Variants in CSNK1G2 observed in about 807,000 individuals in gnomAD.
The protein encoded by CSNK1G2 is casein kinase 1 gamma 2, also known as casein kinase I isoform gamma-2.
CSNK1G2 carries 11 observed loss-of-function variants against 48.0 expected under a neutral mutation model. That is an observed-to-expected ratio of 0.23 (90% CI 0.14 to 0.38). CSNK1G2 has a LOEUF of 0.38. Ranked by LOEUF, CSNK1G2 falls within the 10% of genes least tolerant of loss-of-function variation. The pLI is 1.00. For missense variants in CSNK1G2, 446 were observed against 595.5 expected, an observed-to-expected ratio of 0.75 and a Z score of 2.61; for synonymous variants, 337 against 254.1, an observed-to-expected ratio of 1.33 and a Z score of -3.10.
chr19:1,956,055 G>A lies in CSNK1G2; in HGVS notation c.-265-13453G>A, dbSNP rs1318734701. On this transcript the variant is annotated intron_variant, in intron 1 of 11. Coordinates refer to ENST00000255641, the MANE Select transcript of CSNK1G2 (RefSeq NM_001319.7). ...GCTCCCGACAGCGTTGGGTCCCTGA[G>A]TGCAGGGCCTGCCCCTTTCTCATCC... 3.3e-5 allele frequency among the ~76,000 whole-genome samples: 5 copies of A among 152,346 alleles called. No homozygotes were observed. In the East Asian group the frequency reaches 7.7e-4, roughly 24 times the overall value.
chr19:1,945,556 T>G (rs1228086024), intron 1 of CSNK1G2, among the ~76,000 whole-genome samples: 1 of 152,022 alleles, frequency 6.6e-6, no homozygotes, highest in African/African-American at 2.4e-5. Flanking sequence ...GCGCGGGGGC[T>G]CCCACCTGTC....
intron 1 of CSNK1G2, among the ~76,000 whole-genome samples, chr19:1,948,627 C>T (rs1301491716): frequency 6.6e-6 from 1 of 151,894 alleles, no homozygotes; most frequent in East Asian, 1.9e-4. Flanking sequence ...GAGCATGAGC[C>T]ACTTTTTTTT....
intron 2 of CSNK1G2, chr19:1,976,123 C>T: frequency 7.8e-7 from 1 of 1,288,564 alleles, no homozygotes; most frequent in Non-Finnish European, 1.0e-6. Flanking sequence ...AGGTTTAGTT[C>T]TGGGGCCTCG....
intron 1 of CSNK1G2, among the ~76,000 whole-genome samples, chr19:1,944,370 G>T (rs1489869404): frequency 6.6e-6 from 1 of 152,130 alleles, no homozygotes; most frequent in African/African-American, 2.4e-5. Context: ...TTCTCGTGGG[G>T]CCCGTGCTGT....
chr19:1,952,971 G>C (rs1384895696), intron 1 of CSNK1G2: 1 of 440,146 alleles, frequency 2.3e-6, no homozygotes, highest in African/African-American at 2.2e-5. Flanking sequence ...CACGATGAGG[G>C]GAAAAGGCAC....
intron 1 of CSNK1G2, among the ~76,000 whole-genome samples, chr19:1,959,502 C>T (rs2015117695): frequency 6.6e-6 from 1 of 151,236 alleles, no homozygotes; most frequent in Non-Finnish European, 1.5e-5. Context: ...CGGCCCCCAG[C>T]ACCCGCCCCA....
Position 1,978,484 on chromosome 19 carries a change from C to A in CSNK1G2, c.271C>A (p.Arg91=). The change falls in exon 4 of 12, where the codon CGG becomes AGG. Residue 91 remains arginine, a synonymous_variant. Transcript: ENST00000255641. This position sits in a 1 kb window ranked among gnomAD's most constrained non-coding sequence, Gnocchi z 7.3. The part of the protein sequence containing the change: ...SRAPQLHLEY[R]FYKQLSATEG... ...GGCCCCGCAGCTGCACCTGGAGTAC[C>A]GGTTCTACAAGCAGCTCAGCGCCAC... 6.2e-7 allele frequency: 1 copy of A among 1,601,278 alleles called. No individual in the cohort carries two copies. The highest frequency in any genetic ancestry group is 1.3e-5 in the African/African-American group (1 of 74,758).
At chr19:1,956,934 G>A (rs189960846) in intron 1 of CSNK1G2, among the ~76,000 whole-genome samples, 192 of 152,332 alleles carry the variant, frequency 1.3e-3, no homozygotes, top group African/African-American at 4.5e-3. Context: ...CATCACTCAG[G>A]GTTTCTCAGC....
Position 1,978,851 on chromosome 19 carries a change from C to G in CSNK1G2, c.448-8C>G. ...GGGCCCGGCCGACACCGCCGTGCCC[C>G]CCTGCAGATCACGCGCATGGAGTAT... On this transcript the variant is annotated splice_polypyrimidine_tract_variant and splice_region_variant and intron_variant, in intron 5 of 11. Coordinates refer to ENST00000255641, the MANE Select transcript of CSNK1G2 (RefSeq NM_001319.7). The surrounding 1 kb of genome is among the most constrained non-coding windows in gnomAD (Gnocchi z 7.3). 6.3e-7 allele frequency: 1 copy of G among 1,599,586 alleles called. No homozygotes were observed. The highest frequency in any genetic ancestry group is 8.5e-7 in the Non-Finnish European group (1 of 1,176,570).
At position 1,975,125 on chromosome 19, in the gene CSNK1G2, C is replaced by T. The variant is rs187532156; in HGVS notation, c.188-3180C>T. The T allele has an allele frequency of 1.0e-3, 994 of 985,458 alleles. 2 individuals are homozygous for T. Among genetic ancestry groups the T allele is most frequent in the Middle Eastern group, 2.6e-3 (5 of 1,914 alleles). 61.0% of individuals were successfully genotyped at this position (985,458 alleles called of 1,614,324 possible). ...CTTCCACAGTGCAGAGTAGAAGAGC[C>T]GGGAAGGACCCCATCACCATCAGAT... On this transcript the variant is annotated intron_variant, in intron 2 of 11. Coordinates refer to ENST00000255641, the MANE Select transcript of CSNK1G2 (RefSeq NM_001319.7).
intron 1 of CSNK1G2, among the ~76,000 whole-genome samples, chr19:1,963,402 C>T (rs8100908): frequency 0.12 from 18,791 of 151,046 alleles, 1,419 homozygotes; most frequent in East Asian, 0.21. Flanking sequence ...TTAGTAGAGA[C>T]AGGGTTTCAC....
rs747553413 is a variant in CSNK1G2, at chr19:1,978,525, C to A, written c.298+14C>A. The A allele has an allele frequency of 6.4e-7, 1 of 1,573,590 alleles. No homozygotes were observed. The highest frequency in any genetic ancestry group is 1.2e-5 in the South Asian group (1 of 86,904). On this transcript the variant is annotated intron_variant, in intron 4 of 11. Coordinates refer to ENST00000255641, the MANE Select transcript of CSNK1G2 (RefSeq NM_001319.7). This position sits in a 1 kb window ranked among gnomAD's most constrained non-coding sequence, Gnocchi z 7.3. ...TCAGCGCCACAGGTACCGGGCGGCCCGCGGGTGGGGCGGGGGCTGCGCAGG... is the reference window on the plus strand; with the variant it reads ...TCAGCGCCACAGGTACCGGGCGGCCAGCGGGTGGGGCGGGGGCTGCGCAGG...
chr19:1,952,571 A>T lies in CSNK1G2; in HGVS notation c.-266+11153A>T, dbSNP rs2014806188. On this transcript the variant is annotated intron_variant, in intron 1 of 11. Coordinates refer to ENST00000255641, the MANE Select transcript of CSNK1G2 (RefSeq NM_001319.7). Reference sequence around the variant, plus strand: ...ACTCCTGACCTCAAGTGATCTTCCCACCTCGGCCTCCCAAAGTGTACGTAT... The same window carrying T: ...ACTCCTGACCTCAAGTGATCTTCCCTCCTCGGCCTCCCAAAGTGTACGTAT... 1.9e-5 allele frequency: 3 copies of T among 155,600 alleles called. No individual in the cohort carries two copies. In the East Asian group the frequency reaches 5.8e-4, roughly 30 times the overall value. The allele number at this position is 155,600 out of a possible 1,614,324, so 9.6% of individuals were successfully genotyped here.
At position 1,957,385 on chromosome 19, in the gene CSNK1G2, C is replaced by T. The variant is rs2145530263; in HGVS notation, c.-265-12123C>T. Among the ~76,000 whole-genome samples, 1 of 152,356 alleles carries T rather than the reference C, an allele frequency of 6.6e-6. No individual in the cohort carries two copies. The highest frequency in any genetic ancestry group is 6.5e-5 in the Admixed American group (1 of 15,308). On this transcript the variant is annotated intron_variant, in intron 1 of 11. Coordinates refer to ENST00000255641, the MANE Select transcript of CSNK1G2 (RefSeq NM_001319.7). The surrounding 1 kb of genome is among the most constrained non-coding windows in gnomAD (Gnocchi z 5.4). ...GCCGGGGGAGAGATGTCCCGGGATG[C>T]ACCAGGCGCTCGTGCAAACCAAGTG...
intron 1 of CSNK1G2, among the ~76,000 whole-genome samples, chr19:1,962,985 A>G (rs993510632): frequency 6.6e-6 from 1 of 151,934 alleles, no homozygotes; most frequent in African/African-American, 2.4e-5. Context: ...AACACAACCC[A>G]GCCATGAAAA....
At chr19:1,961,030 A>AGAGGCTT (rs2145546055) in intron 1 of CSNK1G2, among the ~76,000 whole-genome samples, 1 of 152,194 alleles carries the variant, frequency 6.6e-6, no homozygotes, top group African/African-American at 2.4e-5. Flanking sequence ...TGGGCAGAGG[A>AGAGGCTT]GAGGCTTCGG....
At chr19:1,977,621 T>G (rs757273654) in intron 2 of CSNK1G2, among the ~76,000 whole-genome samples, 1 of 151,904 alleles carries the variant, frequency 6.6e-6, no homozygotes, top group Non-Finnish European at 1.5e-5. Context: ...GGTGTGGTGG[T>G]GCGCACCTGT....
At chr19:1,949,361 G>C (rs1343284669) in intron 1 of CSNK1G2, among the ~76,000 whole-genome samples, 1 of 152,180 alleles carries the variant, frequency 6.6e-6, no homozygotes, top group Non-Finnish European at 1.5e-5. Context: ...CTGTGACTCT[G>C]AGGGCTCCAG....
intron 2 of CSNK1G2, among the ~76,000 whole-genome samples, chr19:1,970,994 G>A (rs985990424): frequency 1.9e-4 from 29 of 152,222 alleles, no homozygotes; most frequent in African/African-American, 5.5e-4. Context: ...AAGAGCGGCC[G>A]CCCAGGGGCG....
Sources: allele counts gnomAD v4.1 joint callset (sites outside exome capture counted in the v4.1 genomes callset), GRCh38; gene constraint gnomAD v4.1.1; non-coding constraint Gnocchi (gnomAD v3.1); transcripts MANE v1.5; gene names NCBI Gene and HGNC (gene_info 2026-07-23, HGNC 2026-07-21).